Variants in KCNH3 observed in about 807,000 individuals in gnomAD.
The protein encoded by KCNH3 is voltage-gated inwardly rectifying potassium channel KCNH3.
In KCNH3, 36 loss-of-function variants were observed where a neutral mutation model predicts 95.6. The ratio of observed to expected loss-of-function variants is 0.38; its 90% CI spans 0.29 to 0.50. The LOEUF (loss-of-function observed/expected upper bound fraction) is 0.50, where lower values mean the gene tolerates loss of function less well. Ranked by LOEUF, KCNH3 falls within the 20% of genes least tolerant of loss-of-function variation. The pLI is 0.95. For synonymous variants in KCNH3, 620 were observed against 646.3 expected, an observed-to-expected ratio of 0.96 and a Z score of 0.62; for missense variants, 1,030 against 1,484.1, an observed-to-expected ratio of 0.69 and a Z score of 5.03.
intron 1 of KCNH3, among the ~76,000 whole-genome samples, chr12:49,540,089 G>C (rs912698989): frequency 6.6e-6 from 1 of 152,140 alleles, no homozygotes; most frequent in Non-Finnish European, 1.5e-5. Context: ...CTGGATCCCC[G>C]GTTCTGGGGG....
At chr12:49,551,709 G>T (rs1938270180) in intron 10 of KCNH3, among the ~76,000 whole-genome samples, 1 of 152,158 alleles carries the variant, frequency 6.6e-6, no homozygotes, top group African/African-American at 2.4e-5. Flanking sequence ...TTGTACATGT[G>T]GGGAGGTGGT....
intron 10 of KCNH3, among the ~76,000 whole-genome samples, chr12:49,552,243 C>T (rs1027903049): frequency 6.6e-6 from 1 of 152,190 alleles, no homozygotes; most frequent in Non-Finnish European, 1.5e-5. Flanking sequence ...TGGGAGCTGG[C>T]ACAGGTCCTC....
rs762071312 is a variant in KCNH3 at position 49,544,066 on chromosome 12, C to T, written c.975C>T (p.Val325=). 3 of 1,609,062 alleles carry T rather than the reference C, an allele frequency of 1.9e-6. No homozygotes were observed. Reference sequence around the variant, plus strand: ...TTGACCTGCTACATGCCTTCAAGGTCAACGTGGTCAGTGTGGCTGGGCTGG... The same window carrying T: ...TTGACCTGCTACATGCCTTCAAGGTTAACGTGGTCAGTGTGGCTGGGCTGG... ...LPFDLLHAFK[V]NVYFGAHLLK... Residue 325 remains valine, a synonymous_variant, in exon 6 of 15, where the codon GTC becomes GTT. Coordinates refer to ENST00000257981, the MANE Select transcript of KCNH3 (RefSeq NM_012284.3).
In KCNH3 at chr12:49,557,771, G is replaced by A. The variant is rs770276615; in HGVS notation, c.3070G>A (p.Gly1024Arg). 3 of 1,612,668 alleles carry A rather than the reference G, an allele frequency of 1.9e-6. No homozygotes were observed. The highest frequency in any genetic ancestry group is 2.5e-6 in the Non-Finnish European group (3 of 1,179,558). ...TPASPPPSEE[G>R]ARTGPAEPVS... ...TGCCTCCCCTCCTCCTTCTGAGGAA[G>A]GGGCTAGGACTGGGCCCGCAGAGCC... Residue 1024 changes from glycine to arginine, a missense_variant, in exon 15 of 15, where the codon GGG becomes AGG. Gly to Arg is a moderately radical substitution (Grantham distance 125, BLOSUM62 -2). Coordinates refer to ENST00000257981, the MANE Select transcript of KCNH3 (RefSeq NM_012284.3).
rs1322195161 is a variant in KCNH3, at chr12:49,543,401, C to G, written c.706C>G (p.Leu236Val). Residue 236 changes from leucine (L) to valine (V), a missense_variant, in exon 5 of 15, where the codon CTC (leucine) becomes GTC (valine). Transcript: ENST00000257981. ...GGATGGCTTCATCCTGCTCGCCACA[C>G]TCTATGTGGCTGTCACTGTGCCCTA... ...TWDGFILLATLYVAVTVPYSV... is the reference protein window; with the variant it reads ...TWDGFILLATVYVAVTVPYSV... 4.3e-6 allele frequency: 7 copies of G among 1,611,060 alleles called. No homozygotes were observed. The highest frequency in any genetic ancestry group is 5.9e-6 in the Non-Finnish European group (7 of 1,180,014).
At chr12:49,554,182 C>T (rs1281007787) in intron 10 of KCNH3, among the ~76,000 whole-genome samples, 155 bp from the exon 11 acceptor site, 4 of 152,236 alleles carry the variant, frequency 2.6e-5, no homozygotes, top group Non-Finnish European at 4.4e-5. Flanking sequence ...CAGGCCATGT[C>T]CCAGGCCTCT....
intron 7 of KCNH3, 31 bp from the exon 8 acceptor site, chr12:49,548,864 G>T: frequency 6.6e-7 from 1 of 1,526,568 alleles, no homozygotes; most frequent in Non-Finnish European, 8.8e-7. Flanking sequence ...CAGTCTTCCT[G>T]CCTGCTCAGG....
At chr12:49,540,442 G>A (rs1038325327) in intron 1 of KCNH3, among the ~76,000 whole-genome samples, 2 of 152,150 alleles carry the variant, frequency 1.3e-5, no homozygotes, top group African/African-American at 4.8e-5. Context: ...CAGGATGTAT[G>A]GTGGTCTGGG....
intron 10 of KCNH3, among the ~76,000 whole-genome samples, chr12:49,552,141 T>G (rs1308408069): frequency 6.6e-6 from 1 of 152,220 alleles, no homozygotes; most frequent in Non-Finnish European, 1.5e-5. Context: ...GGACAGATTT[T>G]CACCACTGTA....
chr12:49,541,037 G>C lies in KCNH3; in HGVS notation c.215G>C (p.Gly72Ala). Residue 72 changes from glycine to alanine, a missense_variant, in exon 2 of 15, where the codon GGG becomes GCG. Physicochemically the swap from Gly to Ala is moderately conservative, Grantham distance 60. Transcript: ENST00000257981. ...QRGCACSFLY[G>A]PDTSELVRQQ... Reference sequence around the variant, plus strand: ...GGCTGTGCCTGCTCCTTCCTTTATGGGCCAGACACCAGTGAGCTCGTCCGC... The same window carrying C: ...GGCTGTGCCTGCTCCTTCCTTTATGCGCCAGACACCAGTGAGCTCGTCCGC... 1 of 1,613,788 alleles carries C rather than the reference G, an allele frequency of 6.2e-7. No individual in the cohort carries two copies. The highest frequency in any genetic ancestry group is 8.5e-7 in the Non-Finnish European group (1 of 1,180,042).
Position 49,539,421 on chromosome 12 carries a change from C to A in KCNH3, c.5C>A (p.Pro2Gln). ...GGGCAGCCGCGGGCGCCTAAGATGC[C>A]GGCCATGCGGGGCCTCCTGGCGCCG... M[P>Q]AMRGLLAPQN... The change falls in exon 1 of 15, where the codon CCG (proline) becomes CAG (glutamine). Residue 2 changes from proline (P) to glutamine (Q), a missense_variant. Physicochemically the swap from Pro to Gln is moderately conservative, Grantham distance 76. Coordinates refer to ENST00000257981, the MANE Select transcript of KCNH3 (RefSeq NM_012284.3). This position sits in a 1 kb window ranked among gnomAD's most constrained non-coding sequence, Gnocchi z 6.7. 6.4e-7 allele frequency: 1 copy of A among 1,557,474 alleles called. No homozygotes were observed. Among genetic ancestry groups the A allele is most frequent in the Non-Finnish European group, 8.6e-7 (1 of 1,156,520 alleles).
rs370805148 is a variant in KCNH3, at chr12:49,557,974, C to T, written c.*21C>T. 31 of 1,449,788 alleles carry T rather than the reference C, an allele frequency of 2.1e-5. No individual in the cohort carries two copies. The highest frequency in any genetic ancestry group is 9.9e-5 in the African/African-American group (7 of 70,676). The allele number at this position is 1,449,788 out of a possible 1,614,324, so 89.8% of individuals were successfully genotyped here. On this transcript the variant is annotated 3_prime_UTR_variant, in exon 15 of 15. Transcript: ENST00000257981. Reference sequence around the variant, plus strand: ...TCTGAGTACCAGCCCTAGAACTCAGCGTTGCCAGGTGTGCTGCCATCTGCT... The same window carrying T: ...TCTGAGTACCAGCCCTAGAACTCAGTGTTGCCAGGTGTGCTGCCATCTGCT...
rs776338350 is a variant in KCNH3, at chr12:49,544,166, G to A, written c.982-9G>A. 7.8e-5 allele frequency: 25 copies of A among 319,998 alleles called. No homozygotes were observed. The highest frequency in any genetic ancestry group is 1.4e-4 in the South Asian group (6 of 41,796). 19.8% of individuals were successfully genotyped at this position (319,998 alleles called of 1,614,324 possible). ...TCCCTCCCTCCCTCCCTCCCTCCCC[G>A]CATCTCAGTACTTCGGGGCCCATCT... On this transcript the variant is annotated splice_polypyrimidine_tract_variant and intron_variant, in intron 6 of 14. Coordinates refer to ENST00000257981, the MANE Select transcript of KCNH3 (RefSeq NM_012284.3).
intron 10 of KCNH3, among the ~76,000 whole-genome samples, chr12:49,551,171 G>A (rs1399060885): frequency 2.0e-5 from 3 of 152,212 alleles, no homozygotes; most frequent in Admixed American, 1.3e-4. Flanking sequence ...GGGGGGAATT[G>A]GGACTGGCAG....
rs139899615 is a variant in KCNH3, at chr12:49,557,244, C to A, written c.2637C>A (p.Asp879Glu). The change falls in exon 14 of 15, where the codon GAC becomes GAA. Residue 879 changes from aspartate (D) to glutamate (E), a missense_variant. Physicochemically the swap from Asp to Glu is conservative, Grantham distance 45. Around this residue, in one of 9 missense-constraint regions of KCNH3, gnomAD observed 464 missense variants for 493.2 expected, o/e 0.94. Transcript: ENST00000257981. ...AGGCAAGGAACACAGACACACTGGA[C>A]AAGCTTCGGCAGGCGGTGGGTGAGG... Reference protein sequence around the residue: ...PSEARNTDTLDKLRQAVTELS... With the variant: ...PSEARNTDTLEKLRQAVTELS... 681 of 1,613,930 alleles carry A rather than the reference C, an allele frequency of 4.2e-4. 1 individual carries two copies. The African/African-American group carries it at 6.9e-3, about 16-fold the overall frequency.
In KCNH3 at chr12:49,544,276, A is replaced by G. The variant is rs1937982353; in HGVS notation, c.1083A>G (p.Thr361=). The G allele has an allele frequency of 6.2e-7, 1 of 1,610,654 alleles. No homozygotes were observed. The highest frequency in any genetic ancestry group is 1.7e-5 in the Admixed American group (1 of 59,824). Residue 361 remains threonine (T), a synonymous_variant, in exon 7 of 15, where the codon ACA becomes ACG. Coordinates refer to ENST00000257981, the MANE Select transcript of KCNH3 (RefSeq NM_012284.3). ...CGCAGTACAGCGCCGTGGTGCTGACACTGCTCATGGCCGTGTTCGCCCTGC... is the reference window on the plus strand; with the variant it reads ...CGCAGTACAGCGCCGTGGTGCTGACGCTGCTCATGGCCGTGTTCGCCCTGC... ...RYSQYSAVVL[T]LLMAVFALLA... is the part of the protein sequence containing the mutation.
In KCNH3 at chr12:49,555,913, C is replaced by T. The variant is rs766365041; in HGVS notation, c.2430C>T (p.Pro810=). 17 of 1,583,766 alleles carry T rather than the reference C, an allele frequency of 1.1e-5. No homozygotes were observed. The highest frequency in any genetic ancestry group is 1.4e-5 in the Non-Finnish European group (16 of 1,160,800). ...PPRALEGLRL[P]PMPWNVPPDL... is the part of the protein sequence containing the mutation. ...GGGCCCTAGAGGGGCTACGGCTGCC[C>T]CCCATGCCATGGAATGTGCCCCCAG... Residue 810 remains proline (P), a synonymous_variant, in exon 12 of 15, where the codon CCC becomes CCT. Coordinates refer to ENST00000257981, the MANE Select transcript of KCNH3 (RefSeq NM_012284.3).
chr12:49,545,267 C>G (rs576826220), intron 7 of KCNH3, among the ~76,000 whole-genome samples: 3 of 152,094 alleles, frequency 2.0e-5, no homozygotes, highest in Admixed American at 6.6e-5. Flanking sequence ...CTAGCCAAAC[C>G]ATTCCATTCC....
chr12:49,542,147 C>T lies in KCNH3; in HGVS notation c.445+383C>T, dbSNP rs191519986. Among the ~76,000 whole-genome samples, 195 of 152,324 alleles carry T rather than the reference C, an allele frequency of 1.3e-3. 2 individuals carry two copies. Among genetic ancestry groups the T allele is most frequent in the Non-Finnish European group, 5.9e-4 (40 of 68,028 alleles). On this transcript the variant is annotated intron_variant, in intron 3 of 14. Transcript: ENST00000257981. The stretch of plus-strand genomic sequence containing the variant: ...GGGCAAAGCCTGCTTTTAAGTTCTT[C>T]GAGTCTTTCCCCTCTTGTGTCCTCC...
Sources: allele counts gnomAD v4.1 joint callset (sites outside exome capture counted in the v4.1 genomes callset), GRCh38; gene constraint gnomAD v4.1.1; regional missense constraint gnomAD v4.1.1; non-coding constraint Gnocchi (gnomAD v3.1); transcripts MANE v1.5; gene names NCBI Gene and HGNC (gene_info 2026-07-23, HGNC 2026-07-21).